The following DPP6 variants were observed in gnomAD, a reference collection of about 807,000 sequenced individuals.
The protein encoded by DPP6 is dipeptidyl peptidase like 6, also known as A-type potassium channel modulatory protein DPP6.
In DPP6, 69 loss-of-function variants were observed where a neutral mutation model predicts 122.6. That is an observed-to-expected ratio of 0.56 (90% confidence interval 0.46 to 0.69). The LOEUF is 0.69. DPP6 is among the 30% of genes least tolerant of loss of function. DPP6 has a pLI of 0.00. For synonymous variants in DPP6, 418 were observed against 433.1 expected, an observed-to-expected ratio of 0.97 and a Z score of 0.43; for missense variants, 928 against 1,116.9, an observed-to-expected ratio of 0.83 and a Z score of 2.41.
At chr7:153,898,278 C>A (rs879365830) in intron 1 of DPP6, among the ~76,000 whole-genome samples, 3 of 152,064 alleles carry the variant, frequency 2.0e-5, no homozygotes, top group African/African-American at 7.2e-5. Flanking sequence ...CACAACAAGA[C>A]GCCATCTCTA....
chr7:154,691,364 A>G lies in DPP6; in HGVS notation c.762+21923A>G, dbSNP rs140614834. On this transcript the variant is annotated intron_variant, in intron 7 of 25. Coordinates refer to ENST00000377770, the MANE Select transcript of DPP6 (RefSeq NM_130797.4). ...GAGCCTCAGGCCCAGAACTCCAAGC[A>G]GGACTGGGCAGAATTCATTATCATG... Among the ~76,000 whole-genome samples the G allele has an allele frequency of 2.1e-3, 315 of 152,324 alleles. 3 individuals are homozygous for G. Among genetic ancestry groups the G allele is most frequent in the Middle Eastern group, 6.8e-3 (2 of 294 alleles).
chr7:153,825,459 A>G, the DPP6 span, among the ~76,000 whole-genome samples: 1 of 152,194 alleles, frequency 6.6e-6, no homozygotes, highest in Non-Finnish European at 1.5e-5. Context: ...GTACACAGAC[A>G]TATTATATTT....
intron 1 of DPP6, among the ~76,000 whole-genome samples, chr7:153,940,278 G>T (rs1026785216): frequency 3.3e-5 from 5 of 152,096 alleles, no homozygotes; most frequent in African/African-American, 9.7e-5. Context: ...ATTGGCCAAG[G>T]GTCACAGACA....
At chr7:153,791,664 C>A in the DPP6 span, among the ~76,000 whole-genome samples, 3 of 152,126 alleles carry the variant, frequency 2.0e-5, no homozygotes, top group Non-Finnish European at 4.4e-5. Flanking sequence ...AGGTGATCAA[C>A]CCGCCTTGGC....
chr7:153,897,305 A>G (rs1799455104), intron 1 of DPP6, among the ~76,000 whole-genome samples: 1 of 152,202 alleles, frequency 6.6e-6, no homozygotes, highest in African/African-American at 2.4e-5. Flanking sequence ...AACTGAAAAG[A>G]AACATAGTGC....
intron 1 of DPP6, among the ~76,000 whole-genome samples, chr7:154,072,016 A>C (rs532110543): frequency 6.6e-6 from 1 of 152,328 alleles, no homozygotes; most frequent in East Asian, 1.9e-4. Flanking sequence ...TGGAGGGAAA[A>C]AAACAGGGTG....
Position 154,036,675 on chromosome 7 carries a change from C to T in DPP6, c.51+148941C>T, listed in dbSNP as rs549622227. On this transcript the variant is annotated intron_variant, in intron 1 of 25. Transcript: ENST00000404039. ...GAAATGGGCAGCAGATGGACCACTT[C>T]GCATTTTACCCGTTCAAGCAAGGGG... 8.3e-4 allele frequency among the ~76,000 whole-genome samples: 126 copies of T among 151,800 alleles called. 1 individual carries two copies. Among genetic ancestry groups the T allele is most frequent in the African/African-American group, 2.7e-3 (113 of 41,292 alleles).
intron 23 of DPP6, among the ~76,000 whole-genome samples, chr7:154,889,063 G>T (rs530537117): frequency 7.8e-4 from 119 of 152,310 alleles, no homozygotes; most frequent in African/African-American, 2.4e-3. Context: ...TACAAGATGA[G>T]ATTTGGGTGG....
chr7:154,524,937 A>G (rs1048966316), intron 3 of DPP6, among the ~76,000 whole-genome samples: 2 of 152,166 alleles, frequency 1.3e-5, no homozygotes, highest in Non-Finnish European at 2.9e-5. Context: ...CAGACCTGGA[A>G]ACATCCATTT....
chr7:154,254,108 A>G (rs569159610), intron 1 of DPP6, among the ~76,000 whole-genome samples: 1 of 152,328 alleles, frequency 6.6e-6, no homozygotes, highest in East Asian at 1.9e-4. Context: ...TTGGGTGGGG[A>G]CACACAGCCA....
chr7:154,650,095 G>A (rs1046830135), intron 6 of DPP6, among the ~76,000 whole-genome samples: 8 of 152,174 alleles, frequency 5.3e-5, no homozygotes, highest in Non-Finnish European at 1.0e-4. Flanking sequence ...CAACGTGGGA[G>A]GATCTCTTGA....
intron 1 of DPP6, among the ~76,000 whole-genome samples, chr7:154,032,065 T>C (rs569535483): frequency 4.8e-5 from 7 of 146,606 alleles, no homozygotes; most frequent in African/African-American, 1.8e-4. Flanking sequence ...AGAGACGGGG[T>C]TTCACCGTGT....
chr7:153,973,592 T>C lies in DPP6; in HGVS notation c.51+85858T>C, dbSNP rs562209350. Among the ~76,000 whole-genome samples, 114 of 150,656 alleles carry C rather than the reference T, an allele frequency of 7.6e-4. 1 individual carries two copies. The highest frequency in any genetic ancestry group is 2.7e-3 in the African/African-American group (110 of 40,942). ...TCAAGCAACAGGGGTGGGAGTCTGG[T>C]GGGGAATCCGGCACTTAGAGTAACG... On this transcript the variant is annotated intron_variant, in intron 1 of 25. Transcript: ENST00000404039.
At chr7:154,815,066 G>T (rs1284590284) in intron 16 of DPP6, among the ~76,000 whole-genome samples, 1 of 152,136 alleles carries the variant, frequency 6.6e-6, no homozygotes, top group South Asian at 2.1e-4. Context: ...CCCTTCTAAG[G>T]ACTGCATTGC....
chr7:154,137,407 C>G (rs979710514), intron 1 of DPP6, among the ~76,000 whole-genome samples: 1 of 151,780 alleles, frequency 6.6e-6, no homozygotes, highest in African/African-American at 2.4e-5. Context: ...AACACAAAAG[C>G]AGAATCACAG....
At chr7:154,103,029 TA>T (rs1211892098) in intron 1 of DPP6, among the ~76,000 whole-genome samples, 2 of 152,058 alleles carry the variant, frequency 1.3e-5, no homozygotes, top group Non-Finnish European at 2.9e-5. Context: ...TTGGCCTGGT[TA>T]GCCTTGTGGA....
At chr7:154,671,871 C>CACACGTGCACAA (rs1838584381) in intron 7 of DPP6, among the ~76,000 whole-genome samples, 1 of 150,062 alleles carries the variant, frequency 6.7e-6, no homozygotes, top group Non-Finnish European at 1.5e-5. Flanking sequence ...CATGCACACA[C>CACACGTGCACAA]ACACACACAC....
rs188446895 is a variant in DPP6, at chr7:154,165,717, T to C, written c.243+112654T>C. 4.1e-3 allele frequency among the ~76,000 whole-genome samples: 620 copies of C among 152,310 alleles called. 4 individuals are homozygous for C. Among genetic ancestry groups the C allele is most frequent in the African/African-American group, 0.014 (597 of 41,542 alleles). On this transcript the variant is annotated intron_variant, in intron 1 of 25. Coordinates refer to ENST00000377770, the MANE Select transcript of DPP6 (RefSeq NM_130797.4). ...TGCCATTCTAACTGATGTGAGATGGTATCTCATTGTGGTTTTGATTTGCAT... is the reference window on the plus strand; with the variant it reads ...TGCCATTCTAACTGATGTGAGATGGCATCTCATTGTGGTTTTGATTTGCAT...
chr7:153,895,780 A>C (rs1799389567), intron 1 of DPP6, among the ~76,000 whole-genome samples: 1 of 152,156 alleles, frequency 6.6e-6, no homozygotes. Context: ...CATACATCTC[A>C]GATGTAAAAT....
Sources: gnomAD v4.1 joint callset for allele counts (sites outside exome capture counted in the v4.1 genomes callset) on GRCh38, gnomAD v4.1.1 for gene constraint, MANE v1.5 for transcripts, NCBI Gene and HGNC (gene_info 2026-07-23, HGNC 2026-07-21) for gene names.